The following FHIT variants were observed in gnomAD, a reference collection of about 807,000 sequenced individuals.
FHIT encodes the protein fragile histidine triad diadenosine triphosphatase, also known as bis(5'-adenosyl)-triphosphatase.
FHIT carries 19 observed loss-of-function variants against 17.9 expected under a neutral mutation model. That is an observed-to-expected ratio of 1.06 (90% confidence interval 0.74 to 1.56). FHIT has a LOEUF of 1.56. Ranked by LOEUF, FHIT falls within the 40% of genes most tolerant of loss-of-function variation. The pLI is 0.00. For missense variants in FHIT, 248 were observed against 189.2 expected (o/e 1.31, Z -1.82); for synonymous variants, 81 against 69.7 (o/e 1.16, Z -0.81).
chr3:60,593,754 C>T (rs1190342183), intron 4 of FHIT, among the ~76,000 whole-genome samples: 3 of 152,036 alleles, frequency 2.0e-5, no homozygotes, highest in African/African-American at 7.2e-5. Context: ...ACAAATTGCC[C>T]TTTCTCCAAG....
chr3:61,164,607 C>A (rs549903288), intron 2 of FHIT, among the ~76,000 whole-genome samples: 1 of 149,710 alleles, frequency 6.7e-6, no homozygotes, highest in South Asian at 2.2e-4. Context: ...ACAACAAAAA[C>A]TATCCCACAG....
chr3:60,825,123 T>C (rs60679420), intron 3 of FHIT, among the ~76,000 whole-genome samples: 7,151 of 152,266 alleles, frequency 0.047, 580 homozygotes, highest in African/African-American at 0.16. Context: ...TGAATTGGTA[T>C]ATTATTCTAT....
At chr3:59,826,169 G>C (rs1700970766) in intron 8 of FHIT, among the ~76,000 whole-genome samples, 1 of 152,126 alleles carries the variant, frequency 6.6e-6, no homozygotes. Flanking sequence ...CCAGGCCGGA[G>C]TGCAGTGGTG....
chr3:61,063,255 C>CAAAAAAAAAAAAAAAAAAA (rs371077056), intron 2 of FHIT, among the ~76,000 whole-genome samples: 9 of 95,864 alleles, frequency 9.4e-5, no homozygotes, highest in South Asian at 6.6e-4. Flanking sequence ...GACTCTGTCT[C>CAAAAAAAAAAAAAAAAAAA]AAAAAAAAAA....
At chr3:60,623,205 T>G (rs181743154) in intron 4 of FHIT, among the ~76,000 whole-genome samples, 1 of 152,346 alleles carries the variant, frequency 6.6e-6, no homozygotes, top group Admixed American at 6.5e-5. Context: ...GTGGCTGATC[T>G]ATTTGTCACC....
At chr3:60,894,978 G>A (rs6768495) in intron 3 of FHIT, among the ~76,000 whole-genome samples, 7,531 of 152,168 alleles carry the variant, frequency 0.049, 613 homozygotes, top group African/African-American at 0.17. Flanking sequence ...GGACTTTAAC[G>A]TTGATAGAAT....
intron 4 of FHIT, among the ~76,000 whole-genome samples, chr3:60,769,905 G>C (rs893531608): frequency 6.6e-6 from 1 of 152,246 alleles, no homozygotes; most frequent in African/African-American, 2.4e-5. Flanking sequence ...AGATGCAAGA[G>C]TGTTTCTATG....
chr3:60,631,343 T>C (rs1553682389), intron 4 of FHIT, among the ~76,000 whole-genome samples: 1 of 152,096 alleles, frequency 6.6e-6, no homozygotes, highest in Non-Finnish European at 1.5e-5. Flanking sequence ...CAAAATCAAA[T>C]AAAGGGAAAA....
chr3:60,553,692 C>T (rs1320299129), intron 4 of FHIT, among the ~76,000 whole-genome samples: 1 of 151,742 alleles, frequency 6.6e-6, no homozygotes, highest in Non-Finnish European at 1.5e-5. Flanking sequence ...ACATTTAGAA[C>T]TACTTTTGTC....
chr3:59,879,475 T>G (rs903634121), intron 8 of FHIT, among the ~76,000 whole-genome samples: 1 of 152,188 alleles, frequency 6.6e-6, no homozygotes, highest in African/African-American at 2.4e-5. Flanking sequence ...ATCTGCAAGA[T>G]AGAAAACAAT....
rs373247555 is a variant in FHIT at position 61,082,250 on chromosome 3, C to T, written c.-163-40151G>A. ...TTCATATCCCTTCCCAATTAATTTC[C>T]TCCTGCTCCAGCCCAAAGGAAACCA... On this transcript the variant is annotated intron_variant, in intron 2 of 9. Transcript: ENST00000492590. Among the ~76,000 whole-genome samples the T allele has an allele frequency of 1.1e-4, 17 of 152,138 alleles. No individual in the cohort carries two copies. The East Asian group carries it at 1.5e-3, about 14-fold the overall frequency.
intron 4 of FHIT, among the ~76,000 whole-genome samples, chr3:60,633,744 G>A (rs1484673989): frequency 1.3e-5 from 2 of 152,144 alleles, no homozygotes; most frequent in Non-Finnish European, 2.9e-5. Context: ...ACACAGTTAG[G>A]CAGCTTAATT....
chr3:60,551,204 G>A (rs527849876), intron 4 of FHIT, among the ~76,000 whole-genome samples: 2 of 151,602 alleles, frequency 1.3e-5, no homozygotes, highest in Non-Finnish European at 2.9e-5. Context: ...AGATGAGCAG[G>A]GATCAGATCA....
intron 2 of FHIT, among the ~76,000 whole-genome samples, chr3:61,198,007 T>C (rs1232015009): frequency 1.3e-5 from 2 of 152,134 alleles, no homozygotes; most frequent in East Asian, 3.8e-4. Flanking sequence ...CTTTTTGTAA[T>C]CTACTGCAAA....
chr3:60,604,923 G>A (rs1241784093), intron 4 of FHIT, among the ~76,000 whole-genome samples: 3 of 152,136 alleles, frequency 2.0e-5, no homozygotes, highest in African/African-American at 7.2e-5. Flanking sequence ...GCATTGAAGG[G>A]ATCAGTAACC....
At chr3:60,314,557 T>C (rs1709084266) in intron 5 of FHIT, among the ~76,000 whole-genome samples, 1 of 152,174 alleles carries the variant, frequency 6.6e-6, no homozygotes, top group African/African-American at 2.4e-5. Flanking sequence ...TGTTGTTTGT[T>C]TTTCAGAACT....
chr3:60,094,199 A>AT (rs541930011), intron 5 of FHIT, among the ~76,000 whole-genome samples: 33 of 152,182 alleles, frequency 2.2e-4, no homozygotes, highest in East Asian at 5.8e-4. Flanking sequence ...ATTTTGTTAC[A>AT]TTTTTTTATA....
At chr3:59,831,275 TATGATGATG>T in intron 8 of FHIT, among the ~76,000 whole-genome samples, 1 of 151,720 alleles carries the variant, frequency 6.6e-6, no homozygotes, top group South Asian at 2.1e-4. Flanking sequence ...ATGCTGGTGA[TATGATGATG>T]ATGATGATGA....
intron 8 of FHIT, among the ~76,000 whole-genome samples, chr3:59,787,709 T>A (rs1699373924): frequency 6.6e-6 from 1 of 152,182 alleles, no homozygotes; most frequent in African/African-American, 2.4e-5. Context: ...GCAAGAAGGA[T>A]AACATAATAT....
Sources: allele counts gnomAD v4.1 joint callset (sites outside exome capture counted in the v4.1 genomes callset), GRCh38; gene constraint gnomAD v4.1.1; transcripts MANE v1.5; gene names NCBI Gene and HGNC (gene_info 2026-07-23, HGNC 2026-07-21).